Variants in CCBE1 observed in about 807,000 individuals in gnomAD.
CCBE1 encodes collagen and calcium-binding EGF domain-containing protein 1.
Under a neutral mutation model 50.0 loss-of-function variants are expected in CCBE1, and 37 were observed. The ratio of observed to expected loss-of-function variants is 0.74; its 90% CI spans 0.57 to 0.97. The LOEUF (loss-of-function observed/expected upper bound fraction) is 0.97, where lower values mean the gene tolerates loss of function less well. Among genes scored for constraint, CCBE1 ranks in the 50% least tolerant of loss-of-function variants. The pLI, the probability that CCBE1 is intolerant of heterozygous loss-of-function variation, is 0.00. For synonymous variants in CCBE1, 234 were observed against 203.7 expected (o/e 1.15, Z -1.27); for missense variants, 538 against 523.8 (o/e 1.03, Z -0.26).
intron 9 of CCBE1, among the ~76,000 whole-genome samples, chr18:59,438,714 C>T (rs1910272002): frequency 6.6e-6 from 1 of 152,168 alleles, no homozygotes; most frequent in Admixed American, 6.5e-5. Context: ...GAATTGAAGA[C>T]AATGGCTTTT....
intron 2 of CCBE1, among the ~76,000 whole-genome samples, chr18:59,645,847 C>T (rs188295224): frequency 3.9e-5 from 6 of 152,032 alleles, no homozygotes; most frequent in African/African-American, 7.2e-5. Context: ...CTGGCTAACA[C>T]GGTGAAACCC....
intron 2 of CCBE1, among the ~76,000 whole-genome samples, chr18:59,500,896 C>T (rs1034613978): frequency 2.0e-5 from 3 of 152,164 alleles, no homozygotes; most frequent in African/African-American, 7.2e-5. Context: ...TGATGGTCCC[C>T]CAGAGCTGAG....
At chr18:59,586,583 A>T (rs745575611) in intron 2 of CCBE1, among the ~76,000 whole-genome samples, 2 of 152,286 alleles carry the variant, frequency 1.3e-5, no homozygotes, top group Admixed American at 1.3e-4. Flanking sequence ...GAAATGTAAT[A>T]CTCTCCTACG....
chr18:59,677,596 A>T (rs1411305703), intron 2 of CCBE1, among the ~76,000 whole-genome samples: 1 of 152,160 alleles, frequency 6.6e-6, no homozygotes, highest in Non-Finnish European at 1.5e-5. Context: ...GATCCAGGAA[A>T]CCCAGAATTC....
upstream of CCBE1, chr18:59,697,691 C>T (rs1285629975): frequency 4.2e-6 from 1 of 240,314 alleles, no homozygotes; most frequent in Non-Finnish European, 8.1e-6. Flanking sequence ...CGCCTCTTCC[C>T]TCTCCCTCCT....
chr18:59,543,173 C>A (rs984432742), intron 2 of CCBE1, among the ~76,000 whole-genome samples: 9 of 152,054 alleles, frequency 5.9e-5, no homozygotes, highest in African/African-American at 2.2e-4. Flanking sequence ...AGTCCAGGGC[C>A]CCACCCTTGA....
chr18:59,657,852 C>T (rs1443614847), intron 2 of CCBE1, among the ~76,000 whole-genome samples: 2 of 151,948 alleles, frequency 1.3e-5, no homozygotes, highest in Non-Finnish European at 2.9e-5. Context: ...GATTGTGCCA[C>T]TGCACTCCAG....
intron 3 of CCBE1, among the ~76,000 whole-genome samples, chr18:59,479,336 C>T (rs926069137): frequency 3.3e-5 from 5 of 152,168 alleles, no homozygotes; most frequent in Non-Finnish European, 7.3e-5. Flanking sequence ...TCTCACTTCT[C>T]CCCTCATTTC....
At chr18:59,530,847 A>C (rs986185569) in intron 2 of CCBE1, among the ~76,000 whole-genome samples, 2 of 152,262 alleles carry the variant, frequency 1.3e-5, no homozygotes, top group Non-Finnish European at 2.9e-5. Context: ...AATCAATACT[A>C]TTAGGAAAGC....
At chr18:59,565,137 C>CCA (rs1255032314) in intron 2 of CCBE1, among the ~76,000 whole-genome samples, 1 of 152,132 alleles carries the variant, frequency 6.6e-6, no homozygotes, top group African/African-American at 2.4e-5. Context: ...CACGAGGAGT[C>CCA]CACTCTGGAG....
At chr18:59,635,737 TAA>T (rs548004118) in intron 2 of CCBE1, among the ~76,000 whole-genome samples, 1 of 142,274 alleles carries the variant, frequency 7.0e-6, no homozygotes, top group Admixed American at 7.1e-5. Flanking sequence ...ATTTTTAGAT[TAA>T]AAAAAAAAAG....
At chr18:59,554,780 T>A (rs546437089) in intron 2 of CCBE1, among the ~76,000 whole-genome samples, 2 of 152,320 alleles carry the variant, frequency 1.3e-5, no homozygotes, top group African/African-American at 4.8e-5. Context: ...CAGCAGGGGT[T>A]ACCAGCCTCC....
chr18:59,673,757 T>A (rs567831700), intron 2 of CCBE1, among the ~76,000 whole-genome samples: 1 of 152,338 alleles, frequency 6.6e-6, no homozygotes, highest in African/African-American at 2.4e-5. Context: ...TTGATTTGCG[T>A]ATGTTGAACC....
chr18:59,530,741 G>T (rs988293125), intron 2 of CCBE1, among the ~76,000 whole-genome samples: 3 of 152,126 alleles, frequency 2.0e-5, no homozygotes, highest in Non-Finnish European at 4.4e-5. Flanking sequence ...CATAATAAAG[G>T]AACAAACAAC....
intron 1 of CCBE1, 61 bp downstream of exon 1, chr18:59,697,151 C>T: frequency 3.2e-6 from 5 of 1,545,204 alleles, no homozygotes; most frequent in Admixed American, 2.0e-5. Context: ...CCGCCCGCAC[C>T]CCGCGAGCCG....
At position 59,636,761 on chromosome 18, in the gene CCBE1, T is replaced by C. The variant is rs113611995; in HGVS notation, c.212+59868A>G. On this transcript the variant is annotated intron_variant, in intron 2 of 10. Transcript: ENST00000439986. ...CATAAAAGATCCAAGATAGAAGGAA[T>C]AGTAAGCAAAAAAGAATCTGTTTAT... Among the ~76,000 whole-genome samples the C allele has an allele frequency of 8.4e-3, 1,273 of 151,590 alleles. 11 individuals carry two copies. Among genetic ancestry groups the C allele is most frequent in the Admixed American group, 0.019 (291 of 15,240 alleles).
In CCBE1 at chr18:59,432,908, T is replaced by C. The variant is rs751357552; in HGVS notation, c.*3000A>G. The C allele has an allele frequency of 1.3e-5, 2 of 152,188 alleles. No homozygotes were observed. The highest frequency in any genetic ancestry group is 2.4e-5 in the African/African-American group (1 of 41,448). 9.4% of individuals were successfully genotyped at this position (152,188 alleles called of 1,614,324 possible). A position where few individuals can be genotyped will look rare whatever the true frequency, so the allele number is the denominator to read the frequency against. On this transcript the variant is annotated 3_prime_UTR_variant, in exon 11 of 11. Transcript: ENST00000439986. ...AAAATTCTTCTTTTAAAAAAAATCATAGATGGACCTAGCCATCTCTCATAC... is the reference window on the plus strand; with the variant it reads ...AAAATTCTTCTTTTAAAAAAAATCACAGATGGACCTAGCCATCTCTCATAC...
At chr18:59,498,765 A>G (rs1408145140) in intron 2 of CCBE1, among the ~76,000 whole-genome samples, 1 of 152,218 alleles carries the variant, frequency 6.6e-6, no homozygotes, top group African/African-American at 2.4e-5. Flanking sequence ...AAAAAGAGAA[A>G]TCCATTTGTG....
intron 2 of CCBE1, among the ~76,000 whole-genome samples, chr18:59,483,085 T>C (rs1459461436): frequency 6.6e-6 from 1 of 152,126 alleles, no homozygotes; most frequent in Non-Finnish European, 1.5e-5. Flanking sequence ...TTACACATCA[T>C]GGTGGAGAAA....
Sources: allele counts gnomAD v4.1 joint callset (sites outside exome capture counted in the v4.1 genomes callset), GRCh38; gene constraint gnomAD v4.1.1; transcripts MANE v1.5; gene names NCBI Gene and HGNC (gene_info 2026-07-23, HGNC 2026-07-21).